The following CBY1 variants were observed in gnomAD, a reference collection of about 807,000 sequenced individuals.
The protein encoded by CBY1 is chibby 1, beta catenin antagonist, also known as protein chibby homolog 1.
CBY1 carries 10 observed loss-of-function variants against 15.6 expected under a neutral mutation model. That is an observed-to-expected ratio of 0.64 (90% CI 0.40 to 1.09). The LOEUF (loss-of-function observed/expected upper bound fraction) is 1.09, where lower values mean the gene tolerates loss of function less well. Ranked by LOEUF, CBY1 falls within the 50% of genes least tolerant of loss-of-function variation. The pLI is 0.01. For missense variants in CBY1, 150 were observed against 160.5 expected, an observed-to-expected ratio of 0.93 and a Z score of 0.35; for synonymous variants, 61 against 63.5, an observed-to-expected ratio of 0.96 and a Z score of 0.19.
chr22:38,672,132 T>G (rs1053696280), intron 4 of CBY1, among the ~76,000 whole-genome samples: 3 of 151,248 alleles, frequency 2.0e-5, no homozygotes, highest in Non-Finnish European at 4.4e-5. Flanking sequence ...TGTGATGGCA[T>G]GCGCCTATAA....
chr22:38,668,921 C>T (rs1435022685), intron 2 of CBY1, among the ~76,000 whole-genome samples: 1 of 152,218 alleles, frequency 6.6e-6, no homozygotes, highest in Non-Finnish European at 1.5e-5. Flanking sequence ...GGCTTAGGAT[C>T]TCAGTTTCTG....
chr22:38,671,235 A>G, intron 4 of CBY1, 47 bp downstream of exon 4: 1 of 1,379,354 alleles, frequency 7.2e-7, no homozygotes, highest in Non-Finnish European at 1.0e-6. Flanking sequence ...CCTTTTGGGG[A>G]GGCTCCACCT....
At chr22:38,664,470 C>CA (rs35322853) in intron 1 of CBY1, among the ~76,000 whole-genome samples, 39,042 of 91,448 alleles carry the variant, frequency 0.43, 5,715 homozygotes, top group East Asian at 0.49. Context: ...GACTCCATCT[C>CA]AAAAAAAAAA....
At chr22:38,657,578 G>C (rs2092404013) in intron 1 of CBY1, among the ~76,000 whole-genome samples, 1 of 152,254 alleles carries the variant, frequency 6.6e-6, no homozygotes, top group South Asian at 2.1e-4. Flanking sequence ...GCTGTTTGTG[G>C]ATTATTAGAT....
chr22:38,671,333 A>T, intron 4 of CBY1, 145 bp downstream of exon 4: 1 of 693,598 alleles, frequency 1.4e-6, no homozygotes, highest in South Asian at 1.6e-5. Flanking sequence ...AAGGAACAAG[A>T]CACAGTTCCT....
intron 4 of CBY1, chr22:38,671,687 C>A: frequency 6.2e-6 from 1 of 161,826 alleles, no homozygotes; most frequent in Non-Finnish European, 1.4e-5. Context: ...ACCCACTGGG[C>A]CTAGAGGAGC....
chr22:38,662,888 A>G (rs541388982), intron 1 of CBY1, among the ~76,000 whole-genome samples: 3 of 152,330 alleles, frequency 2.0e-5, no homozygotes, highest in South Asian at 4.1e-4. Flanking sequence ...TTATGCCTGT[A>G]ATCCCAGCAC....
intron 1 of CBY1, among the ~76,000 whole-genome samples, chr22:38,659,861 C>CAAA (rs71197126): frequency 2.9e-4 from 20 of 68,256 alleles, no homozygotes; most frequent in Admixed American, 5.1e-4. Context: ...GACTCTGTCT[C>CAAA]AAAAAAAAAA....
intron 1 of CBY1, among the ~76,000 whole-genome samples, chr22:38,664,595 G>A (rs1460710841): frequency 2.0e-5 from 3 of 151,952 alleles, no homozygotes. Flanking sequence ...ATTAAACAAT[G>A]CAACACCATT....
At position 38,673,805 on chromosome 22, in the gene CBY1, C is replaced by T. The variant is rs1191749290; in HGVS notation, c.*569C>T. The T allele has an allele frequency of 6.6e-6, 1 of 152,540 alleles. No individual in the cohort carries two copies. The highest frequency in any genetic ancestry group is 2.4e-5 in the African/African-American group (1 of 41,436). 9.4% of individuals were successfully genotyped at this position (152,540 alleles called of 1,614,324 possible). On this transcript the variant is annotated 3_prime_UTR_variant, in exon 5 of 5. Transcript: ENST00000216029. ...ACAACAACACTATATTTTTATGCTACTTTCCTGTTTGCACTACTACTTTTT... is the reference window on the plus strand; with the variant it reads ...ACAACAACACTATATTTTTATGCTATTTTCCTGTTTGCACTACTACTTTTT...
chr22:38,658,482 A>T (rs1040422275), intron 1 of CBY1, among the ~76,000 whole-genome samples: 2 of 146,850 alleles, frequency 1.4e-5, no homozygotes, highest in African/African-American at 5.1e-5. Flanking sequence ...TTTTTTTGAG[A>T]TGGAGTCTGA....
In CBY1 at chr22:38,671,173, C is replaced by T. The variant is rs150453299; in HGVS notation, c.288C>T (p.Asp96=). The change falls in exon 4 of 5, where the codon GAC becomes GAT. Residue 96 remains aspartate, a synonymous_variant. Coordinates refer to ENST00000216029, the MANE Select transcript of CBY1 (RefSeq NM_015373.4). ...EENNLLRLKV[D]ILLDMLSEST... ...ACAATCTCTTGCGGCTGAAAGTGGA[C>T]ATCTTATTAGACATGGTGAGGCAGG... is the stretch of plus-strand genomic sequence containing the variant. 3.0e-5 allele frequency: 49 copies of T among 1,612,552 alleles called. No homozygotes were observed. In the African/African-American group the frequency reaches 6.0e-4, roughly 20 times the overall value.
intron 2 of CBY1, chr22:38,668,543 G>A (rs1234482101): frequency 2.3e-4 from 37 of 163,724 alleles, no homozygotes; most frequent in Non-Finnish European, 1.3e-5. Flanking sequence ...GCTAATTTTT[G>A]TACTTTTAGT....
At position 38,668,009 on chromosome 22, in the gene CBY1, G is replaced by C. The variant is rs750966573; in HGVS notation, c.-38-8G>C. On this transcript the variant is annotated splice_region_variant and splice_polypyrimidine_tract_variant and intron_variant, in intron 1 of 4. Transcript: ENST00000216029. ...GCTGCTTGTACCCCTGACTTTTTCT[G>C]ACCCTAGGAGAAGGGAGCACTGGCT... 1.3e-6 allele frequency: 2 copies of C among 1,571,106 alleles called. No homozygotes were observed. The highest frequency in any genetic ancestry group is 1.7e-6 in the Non-Finnish European group (2 of 1,142,984).
intron 1 of CBY1, among the ~76,000 whole-genome samples, chr22:38,664,200 G>A (rs1422907343): frequency 6.6e-6 from 1 of 151,460 alleles, no homozygotes; most frequent in Non-Finnish European, 1.5e-5. Flanking sequence ...GGCTGGGCGC[G>A]GTGGCTCATG....
chr22:38,664,908 A>G (rs1174442726), intron 1 of CBY1, among the ~76,000 whole-genome samples: 1 of 151,816 alleles, frequency 6.6e-6, no homozygotes, highest in African/African-American at 2.4e-5. Flanking sequence ...TGCAGTGGTG[A>G]TCACAGCTCA....
intron 2 of CBY1, chr22:38,670,399 A>T (rs1197006948): frequency 6.5e-6 from 1 of 153,274 alleles, no homozygotes; most frequent in Non-Finnish European, 1.5e-5. Flanking sequence ...CGTCTCAAAA[A>T]AAAAAAAAAA....
At position 38,670,441 on chromosome 22, in the gene CBY1, C is replaced by T. The variant is rs13055762; in HGVS notation, c.79-443C>T. The T allele has an allele frequency of 2.5e-3, 381 of 155,272 alleles. 3 individuals carry two copies. Among genetic ancestry groups the T allele is most frequent in the Non-Finnish European group, 3.7e-3 (257 of 70,226 alleles). 9.6% of individuals were successfully genotyped at this position (155,272 alleles called of 1,614,324 possible). ...AAAAGAATAGAATATGTAAATTGTA[C>T]TGTCGCACGTTAAGAAGCAACTCCT... On this transcript the variant is annotated intron_variant, in intron 2 of 4. Transcript: ENST00000216029.
At position 38,671,153 on chromosome 22, in the gene CBY1, C is replaced by T; in HGVS notation, c.268C>T (p.Leu90Phe). The T allele has an allele frequency of 1.2e-6, 2 of 1,614,140 alleles. No homozygotes were observed. Among genetic ancestry groups the T allele is most frequent in the Non-Finnish European group, 1.7e-6 (2 of 1,179,952 alleles). The change falls in exon 4 of 5, where the codon CTC becomes TTC. Residue 90 changes from leucine to phenylalanine, a missense_variant. Leu to Phe is a conservative substitution (Grantham distance 22). Transcript: ENST00000216029. ...RNQQLEEENNLLRLKVDILLD... is the reference protein window; with the variant it reads ...RNQQLEEENNFLRLKVDILLD... ...CCAGCAGTTGGAGGAAGAGAACAAT[C>T]TCTTGCGGCTGAAAGTGGACATCTT...
Sources: gnomAD v4.1 joint callset for allele counts (sites outside exome capture counted in the v4.1 genomes callset) on GRCh38, gnomAD v4.1.1 for gene constraint, MANE v1.5 for transcripts, NCBI Gene and HGNC (gene_info 2026-07-23, HGNC 2026-07-21) for gene names.